Variants in DPYSL3 observed in about 807,000 individuals in gnomAD.
DPYSL3 encodes the protein dihydropyrimidinase-related protein 3.
DPYSL3 carries 16 observed loss-of-function variants against 66.1 expected under a neutral mutation model. The ratio of observed to expected loss-of-function variants is 0.24; its 90% CI spans 0.16 to 0.37. The LOEUF (loss-of-function observed/expected upper bound fraction) is 0.37, where lower values mean the gene tolerates loss of function less well. Ranked by LOEUF, DPYSL3 falls within the 10% of genes least tolerant of loss-of-function variation. DPYSL3 has a pLI of 1.00. For missense variants in DPYSL3, 738 were observed against 916.2 expected (o/e 0.81, Z 2.51); for synonymous variants, 338 against 345.1 (o/e 0.98, Z 0.23).
At chr5:147,433,866 T>C (rs1486319235) in intron 1 of DPYSL3, among the ~76,000 whole-genome samples, 1 of 152,032 alleles carries the variant, frequency 6.6e-6, no homozygotes, top group African/African-American at 2.4e-5. Context: ...ACCCCGTCTC[T>C]ACTAAAAATA....
At chr5:147,488,145 C>T (rs948575847) in intron 1 of DPYSL3, among the ~76,000 whole-genome samples, 1 of 152,192 alleles carries the variant, frequency 6.6e-6, no homozygotes, top group Non-Finnish European at 1.5e-5. Flanking sequence ...AACAGCCCCT[C>T]CCTAGCCCAC....
chr5:147,509,860 G>A lies in DPYSL3; in HGVS notation c.-2C>T. 2 of 1,509,844 alleles carry A rather than the reference G, an allele frequency of 1.3e-6. No homozygotes were observed. Among genetic ancestry groups the A allele is most frequent in the Non-Finnish European group, 1.8e-6 (2 of 1,130,094 alleles). 93.5% of individuals were successfully genotyped at this position (1,509,844 alleles called of 1,614,324 possible). A position where few individuals can be genotyped will look rare whatever the true frequency, so the allele number is the denominator to read the frequency against. The stretch of plus-strand genomic sequence containing the variant: ...CCAGCCCCTCCGGCCCGAGGCCATG[G>A]TTCAAGCACGAAAGCGGCCCGCGGG... On this transcript the variant is annotated 5_prime_UTR_variant, in exon 1 of 14. Transcript: ENST00000343218. The surrounding 1 kb of genome is among the most constrained non-coding windows in gnomAD (Gnocchi z 5.3).
chr5:147,504,196 C>G (rs541926987), intron 1 of DPYSL3, among the ~76,000 whole-genome samples: 1 of 152,302 alleles, frequency 6.6e-6, no homozygotes, highest in East Asian at 1.9e-4. Flanking sequence ...TGACTGAAAT[C>G]ATCAGAGACA....
intron 1 of DPYSL3, among the ~76,000 whole-genome samples, chr5:147,482,505 A>C (rs946613258): frequency 1.3e-5 from 2 of 152,222 alleles, no homozygotes; most frequent in Non-Finnish European, 2.9e-5. Flanking sequence ...CAATATTTCT[A>C]GAACTCTTGA....
At chr5:147,460,457 T>C (rs111549644) in intron 1 of DPYSL3, among the ~76,000 whole-genome samples, 16 of 152,210 alleles carry the variant, frequency 1.1e-4, no homozygotes, top group Admixed American at 3.3e-4. Flanking sequence ...CCCAGACCTA[T>C]GAAGATGTCA....
chr5:147,397,673 C>G lies in DPYSL3; in HGVS notation c.1796G>C (p.Arg599Pro). ...AGCTCCAATGCTTTTTACCTTCCTC[C>G]GTGCTTTAATGCGCTTGTAGACATA... ...SDYVYKRIKA[R>P]RKMADLHAVP... Residue 599 changes from arginine (R) to proline (P), a missense_variant, in exon 12 of 14, where the codon CGG (arginine) becomes CCG (proline). Physicochemically the swap from Arg to Pro is moderately radical, Grantham distance 103. Transcript: ENST00000343218. The G allele has an allele frequency of 6.2e-7, 1 of 1,613,314 alleles. No homozygotes were observed. Among genetic ancestry groups the G allele is most frequent in the Non-Finnish European group, 8.5e-7 (1 of 1,179,444 alleles).
chr5:147,399,060 C>T (rs374688433), intron 11 of DPYSL3, 22 bp downstream of exon 11: 62 of 1,612,044 alleles, frequency 3.8e-5, no homozygotes, highest in Non-Finnish European at 4.9e-5. Flanking sequence ...TTCTACTCCA[C>T]TCCCACCAGA....
chr5:147,405,642 G>A lies in DPYSL3; in HGVS notation c.1121C>T (p.Ala374Val). The stretch of plus-strand genomic sequence containing the variant: ...CCTGGCTTGTGAGATGAGGTCAGCT[G>A]CACTCTTGCTCATGACCTTTGTGAC... ...LYVTKVMSKS[A>V]ADLISQARKK... The change falls in exon 8 of 14, where the codon GCA becomes GTA. Residue 374 changes from alanine to valine, a missense_variant. Transcript: ENST00000343218. 6.2e-7 allele frequency: 1 copy of A among 1,613,704 alleles called. No homozygotes were observed.
intron 1 of DPYSL3, among the ~76,000 whole-genome samples, chr5:147,508,969 T>C (rs1426421475): frequency 2.0e-5 from 3 of 152,140 alleles, no homozygotes; most frequent in Non-Finnish European, 4.4e-5. Context: ...ACAGAGCTGA[T>C]GTTTGAAGAC....
intron 8 of DPYSL3, among the ~76,000 whole-genome samples, chr5:147,404,394 C>G (rs1758279010): frequency 6.6e-6 from 1 of 152,240 alleles, no homozygotes; most frequent in Non-Finnish European, 1.5e-5. Flanking sequence ...TCTGAACACT[C>G]AGCCATCAGC....
At position 147,509,879 on chromosome 5, in the gene DPYSL3, C is replaced by A; in HGVS notation, c.-21G>T. 6.7e-7 allele frequency: 1 copy of A among 1,490,374 alleles called. No individual in the cohort carries two copies. The highest frequency in any genetic ancestry group is 2.5e-5 in the East Asian group (1 of 39,808). The allele number at this position is 1,490,374 out of a possible 1,614,324, so 92.3% of individuals were successfully genotyped here. The stretch of plus-strand genomic sequence containing the variant: ...GCCATGGTTCAAGCACGAAAGCGGC[C>A]CGCGGGTTTTTCTTCCCCAGAGGCG... On this transcript the variant is annotated 5_prime_UTR_variant, in exon 1 of 14. Transcript: ENST00000343218. The surrounding 1 kb of genome is among the most constrained non-coding windows in gnomAD (Gnocchi z 5.3).
At chr5:147,486,328 C>T (rs1036630895) in intron 1 of DPYSL3, among the ~76,000 whole-genome samples, 3 of 152,094 alleles carry the variant, frequency 2.0e-5, no homozygotes, top group African/African-American at 7.2e-5. Context: ...TATTTTACAA[C>T]AACTTTTAAA....
At chr5:147,399,337 A>G (rs1295355134) in intron 10 of DPYSL3, 85 bp from the exon 11 acceptor site, 8 of 1,446,302 alleles carry the variant, frequency 5.5e-6, no homozygotes, top group Non-Finnish European at 6.4e-6. Flanking sequence ...AAGACAACCC[A>G]CAAAGGCATA....
chr5:147,505,178 G>C (rs1324715504), intron 1 of DPYSL3, among the ~76,000 whole-genome samples: 1 of 152,032 alleles, frequency 6.6e-6, no homozygotes, highest in East Asian at 1.9e-4. Flanking sequence ...TTTATAGATA[G>C]GTTTGGAACC....
intron 2 of DPYSL3, among the ~76,000 whole-genome samples, chr5:147,424,020 C>T (rs544094866): frequency 1.6e-4 from 24 of 152,270 alleles, no homozygotes; most frequent in Admixed American, 1.2e-3. Context: ...CCGCCATGCC[C>T]GGCCGACCGC....
chr5:147,489,014 TAA>T (rs566621274), intron 1 of DPYSL3, among the ~76,000 whole-genome samples: 15 of 137,486 alleles, frequency 1.1e-4, no homozygotes, highest in Admixed American at 2.2e-4. Context: ...AGACTTCATC[TAA>T]AAAAAAAAAA....
At chr5:147,441,781 C>T (rs1227771684) in intron 1 of DPYSL3, among the ~76,000 whole-genome samples, 1 of 152,152 alleles carries the variant, frequency 6.6e-6, no homozygotes, top group Non-Finnish European at 1.5e-5. Context: ...TCTCTTCCTG[C>T]CCCTAGCCAA....
At chr5:147,508,989 A>G (rs1016413182) in intron 1 of DPYSL3, among the ~76,000 whole-genome samples, 2 of 152,146 alleles carry the variant, frequency 1.3e-5, no homozygotes, top group Non-Finnish European at 2.9e-5. Flanking sequence ...CTGAGAGGGG[A>G]GACCGCCCCT....
chr5:147,400,936 T>C, intron 9 of DPYSL3, 103 bp from the exon 10 acceptor site: 1 of 1,450,364 alleles, frequency 6.9e-7, no homozygotes. Context: ...TCTGACTATT[T>C]GGGTTTGGAA....
Sources: gnomAD v4.1 joint callset for allele counts (sites outside exome capture counted in the v4.1 genomes callset) on GRCh38, gnomAD v4.1.1 for gene constraint, Gnocchi (gnomAD v3.1) non-coding constraint, MANE v1.5 for transcripts, NCBI Gene and HGNC (gene_info 2026-07-23, HGNC 2026-07-21) for gene names.